Variants in KIF1B observed in about 807,000 individuals in gnomAD.
The protein encoded by KIF1B is kinesin-like protein KIF1B.
KIF1B carries 76 observed loss-of-function variants against 241.9 expected under a neutral mutation model. The observed-to-expected ratio is 0.31, with a 90% confidence interval of 0.26 to 0.38. KIF1B has a LOEUF of 0.38. Ranked by LOEUF, KIF1B falls within the 10% of genes least tolerant of loss-of-function variation. The pLI is 1.00. For synonymous variants in KIF1B, 750 were observed against 796.7 expected (o/e 0.94, Z 0.99); for missense variants, 1,622 against 2,271.4 (o/e 0.71, Z 5.81).
At position 10,252,387 on chromosome 1, in the gene KIF1B, T is replaced by C. The variant is rs540160879; in HGVS notation, c.107-3860T>C. Among the ~76,000 whole-genome samples, 26 of 67,646 alleles carry C rather than the reference T, an allele frequency of 3.8e-4. 1 individual carries two copies. The East Asian group carries it at 0.012, about 31-fold the overall frequency. 44.4% of individuals were successfully genotyped at this position (67,646 alleles called of 152,430 possible). A position where few individuals can be genotyped will look rare whatever the true frequency, so the allele number is the denominator to read the frequency against. The stretch of plus-strand genomic sequence containing the variant: ...GAGGTTCTTTGTTTTTGTGGGGTTT[T>C]TGTTGTTGTTGTTGTTGTTGTTGTT... On this transcript the variant is annotated intron_variant, in intron 2 of 48. Coordinates refer to ENST00000676179, the MANE Select transcript of KIF1B (RefSeq NM_001365951.3).
intron 22 of KIF1B, chr1:10,305,675 T>C (rs996308564): frequency 6.6e-6 from 7 of 1,057,562 alleles, no homozygotes; most frequent in Non-Finnish European, 8.0e-6. Context: ...TTAGTAATGC[T>C]TGTAGACACT....
At chr1:10,284,761 C>T (rs1649605245) in intron 15 of KIF1B, among the ~76,000 whole-genome samples, 1 of 151,756 alleles carries the variant, frequency 6.6e-6, no homozygotes, top group African/African-American at 2.4e-5. Context: ...ACTCGGGAAG[C>T]TGAGGCAGGA....
intron 22 of KIF1B, among the ~76,000 whole-genome samples, chr1:10,315,272 G>A (rs776253861): frequency 1.5e-4 from 23 of 148,746 alleles, no homozygotes; most frequent in Non-Finnish European, 2.5e-4. Context: ...ACACCTCCCG[G>A]GTTGAAGTGA....
chr1:10,380,931 T>C lies in KIF1B; in HGVS notation c.*4344T>C. The stretch of plus-strand genomic sequence containing the variant: ...TTTGCTGCTGTTATTCAAAAGGCCA[T>C]TTATGAAGTTAGTATTTGAGCCCCA... On this transcript the variant is annotated 3_prime_UTR_variant, in exon 49 of 49. Transcript: ENST00000676179. The C allele has an allele frequency of 4.6e-6, 1 of 219,376 alleles. No homozygotes were observed. The highest frequency in any genetic ancestry group is 5.8e-5 in the Admixed American group (1 of 17,326). The allele number at this position is 219,376 out of a possible 1,614,324, so 13.6% of individuals were successfully genotyped here. A position where few individuals can be genotyped will look rare whatever the true frequency, so the allele number is the denominator to read the frequency against.
chr1:10,267,044 G>C lies in KIF1B; in HGVS notation c.430-336G>C, dbSNP rs371138660. The stretch of plus-strand genomic sequence containing the variant: ...CTTTCTTTTTTTTTATTAAGACAGA[G>C]CCTCACTCTGTCACCGAGGCTGAAG... On this transcript the variant is annotated intron_variant, in intron 5 of 48. Transcript: ENST00000676179. Among the ~76,000 whole-genome samples the C allele has an allele frequency of 3.3e-5, 5 of 151,308 alleles. No individual in the cohort carries two copies. In the East Asian group the frequency reaches 5.8e-4, roughly 18 times the overall value.
At chr1:10,269,019 A>G (rs1000960642) in intron 7 of KIF1B, among the ~76,000 whole-genome samples, 3 of 152,172 alleles carry the variant, frequency 2.0e-5, no homozygotes, top group African/African-American at 2.4e-5. Context: ...AGTAATAAAA[A>G]ATTTATGTTG....
At chr1:10,362,675 C>T (rs1429587105) in intron 40 of KIF1B, among the ~76,000 whole-genome samples, 1 of 152,034 alleles carries the variant, frequency 6.6e-6, no homozygotes, top group East Asian at 1.9e-4. Context: ...TATCGTCTCT[C>T]TTATAGTAAG....
chr1:10,228,399 A>G (rs1373385905), intron 1 of KIF1B, among the ~76,000 whole-genome samples: 1 of 152,068 alleles, frequency 6.6e-6, no homozygotes, highest in Non-Finnish European at 1.5e-5. Flanking sequence ...GAATTTATAT[A>G]TTTGACTTTT....
chr1:10,246,797 ATCATG>A (rs1647221403), intron 2 of KIF1B, among the ~76,000 whole-genome samples: 1 of 151,852 alleles, frequency 6.6e-6, no homozygotes, highest in Non-Finnish European at 1.5e-5. Flanking sequence ...TTGCAATCAG[ATCATG>A]TCACCCCTCT....
rs561988236 is a variant in KIF1B at position 10,280,424 on chromosome 1, T to C, written c.1222+1286T>C. On this transcript the variant is annotated intron_variant, in intron 14 of 48. Coordinates refer to ENST00000676179, the MANE Select transcript of KIF1B (RefSeq NM_001365951.3). ...CTTATTTTTATATTTTTAATAGAGA[T>C]GGGGTTTCATCATGTTAGCCAGGAT... is the stretch of plus-strand genomic sequence containing the variant. Among the ~76,000 whole-genome samples, 303 of 151,980 alleles carry C rather than the reference T, an allele frequency of 2.0e-3. 1 individual carries two copies. The highest frequency in any genetic ancestry group is 7.0e-3 in the African/African-American group (290 of 41,456).
At chr1:10,258,325 C>T (rs906987272) in intron 3 of KIF1B, among the ~76,000 whole-genome samples, 168 bp from the exon 4 acceptor site, 9 of 151,652 alleles carry the variant, frequency 5.9e-5, no homozygotes, top group African/African-American at 1.9e-4. Context: ...TGTGCATGTG[C>T]GTGTATTTAA....
At chr1:10,333,568 G>A (rs11121541) in intron 27 of KIF1B, among the ~76,000 whole-genome samples, 2 of 151,326 alleles carry the variant, frequency 1.3e-5, no homozygotes, top group Admixed American at 6.6e-5. Flanking sequence ...GGCGGGCGCC[G>A]ATAGTCCCAG....
chr1:10,308,344 T>C (rs1650926054), intron 22 of KIF1B: 3 of 1,053,628 alleles, frequency 2.8e-6, no homozygotes, highest in Non-Finnish European at 3.4e-6. Flanking sequence ...TAAAATCTGT[T>C]CTAGATATTC....
chr1:10,296,902 C>T lies in KIF1B; in HGVS notation c.1867C>T (p.Arg623Cys), dbSNP rs150271500. The stretch of plus-strand genomic sequence containing the variant: ...ATTTTTCTGTTTTGTGCTAGGAAAC[C>T]GTATCATCATGGGTAAAAACCATGT... ...SQPVQLRSGNRIIMGKNHVFR... is the reference protein window; with the variant it reads ...SQPVQLRSGNCIIMGKNHVFR... The change falls in exon 21 of 49, where the codon CGT (arginine) becomes TGT (cysteine). Residue 623 changes from arginine to cysteine, a missense_variant. Physicochemically the swap from Arg to Cys is radical, Grantham distance 180. Coordinates refer to ENST00000676179, the MANE Select transcript of KIF1B (RefSeq NM_001365951.3). 92 of 1,613,654 alleles carry T rather than the reference C, an allele frequency of 5.7e-5. No individual in the cohort carries two copies. In the Admixed American group the frequency reaches 1.4e-3, roughly 25 times the overall value.
chr1:10,324,350 G>A (rs1370435978), intron 25 of KIF1B, among the ~76,000 whole-genome samples: 2 of 152,064 alleles, frequency 1.3e-5, no homozygotes, highest in African/African-American at 4.8e-5. Context: ...TACAGATTTG[G>A]AACTTATTTA....
rs1483937542 is a variant in KIF1B at position 10,212,905 on chromosome 1, TATATATATATATATATATATATATATAC to T, written c.-80+2029_-80+2056del. On this transcript the variant is annotated intron_variant, in intron 1 of 48. Coordinates refer to ENST00000676179, the MANE Select transcript of KIF1B (RefSeq NM_001365951.3). ...ATGCGTGTGTGTATATATATATATA[TATATATATATATATATATATATATATAC>T]ACACACACATTTAAAAAATTTGGAT... 7.2e-4 allele frequency among the ~76,000 whole-genome samples: 83 copies of T among 114,568 alleles called. 2 individuals carry two copies. Among genetic ancestry groups the T allele is most frequent in the African/African-American group, 3.1e-3 (79 of 25,892 alleles). The allele number at this position is 114,568 out of a possible 152,430, so 75.2% of individuals were successfully genotyped here. A position where few individuals can be genotyped will look rare whatever the true frequency, so the allele number is the denominator to read the frequency against.
chr1:10,328,048 G>A (rs1651786563), intron 27 of KIF1B, among the ~76,000 whole-genome samples: 1 of 152,068 alleles, frequency 6.6e-6, no homozygotes, highest in African/African-American at 2.4e-5. Flanking sequence ...CAATTAGCTG[G>A]GTGTTGTGGT....
chr1:10,269,606 G>A (rs1031837423), intron 7 of KIF1B, among the ~76,000 whole-genome samples: 1 of 151,572 alleles, frequency 6.6e-6, no homozygotes, highest in East Asian at 1.9e-4. Context: ...GATCACCTGA[G>A]GTCAGGAGTT....
chr1:10,271,661 C>A, intron 8 of KIF1B, 82 bp downstream of exon 8: 1 of 941,728 alleles, frequency 1.1e-6, no homozygotes, highest in Non-Finnish European at 1.8e-6. Context: ...TGAAACACAG[C>A]TACATACATT....
Sources: gnomAD v4.1 joint callset for allele counts (sites outside exome capture counted in the v4.1 genomes callset) on GRCh38, gnomAD v4.1.1 for gene constraint, MANE v1.5 for transcripts, NCBI Gene and HGNC (gene_info 2026-07-23, HGNC 2026-07-21) for gene names.